WRN: variants seen among roughly 807,000 people sequenced by gnomAD.
WRN encodes bifunctional 3'-5' exonuclease/ATP-dependent helicase WRN.
A neutral mutation model predicts 180.7 loss-of-function variants in WRN; 149 were observed. That is an observed-to-expected ratio of 0.82 (90% CI 0.72 to 0.94). The LOEUF (loss-of-function observed/expected upper bound fraction) is 0.94. Among genes scored for constraint, WRN ranks in the 40% least tolerant of loss-of-function variants. WRN has a pLI of 0.00. For synonymous variants in WRN, 548 were observed against 568.9 expected (o/e 0.96, Z 0.52); for missense variants, 1,661 against 1,700.1 (o/e 0.98, Z 0.40).
chr8:31,120,483 C>T, intron 21 of WRN, 59 bp downstream of exon 21: 1 of 1,524,622 alleles, frequency 6.6e-7, no homozygotes, highest in Non-Finnish European at 8.9e-7. Flanking sequence ...CCATATAAAC[C>T]TCAAAAGTGT....
intron 11 of WRN, among the ~76,000 whole-genome samples, chr8:31,087,295 A>G (rs546935114): frequency 4.6e-5 from 7 of 152,336 alleles, no homozygotes; most frequent in Non-Finnish European, 1.0e-4. Flanking sequence ...CTTTTCTAAA[A>G]TGATTTGAAT....
intron 34 of WRN, among the ~76,000 whole-genome samples, chr8:31,170,384 ATAAAT>A (rs1438251807): frequency 7.0e-6 from 1 of 142,596 alleles, no homozygotes; most frequent in Non-Finnish European, 1.6e-5. Context: ...GAGTTTGATT[ATAAAT>A]TAAAATACAC....
intron 6 of WRN, among the ~76,000 whole-genome samples, chr8:31,067,861 C>G (rs973522051): frequency 3.9e-5 from 6 of 152,116 alleles, no homozygotes; most frequent in South Asian, 2.1e-4. Flanking sequence ...TTGTAACCAG[C>G]AAACAATTCA....
chr8:31,120,540 G>GAAA, intron 21 of WRN, 116 bp downstream of exon 21: 2 of 467,184 alleles, frequency 4.3e-6, no homozygotes, highest in Non-Finnish European at 6.2e-6. Context: ...TGCATTTAAA[G>GAAA]TAAAAAAAAA....
chr8:31,124,838 T>G (rs757263172), intron 22 of WRN, 70 bp from the exon 23 acceptor site: 44 of 1,463,590 alleles, frequency 3.0e-5, no homozygotes, highest in Non-Finnish European at 4.0e-5. Context: ...TTTACCTCAT[T>G]ATTTTCAGGA....
chr8:31,083,403 C>G (rs1352026527), intron 9 of WRN, among the ~76,000 whole-genome samples: 4 of 152,098 alleles, frequency 2.6e-5, no homozygotes, highest in African/African-American at 9.7e-5. Context: ...CATTGTTTAA[C>G]CTGAGTTGAA....
intron 34 of WRN, among the ~76,000 whole-genome samples, chr8:31,170,951 G>A (rs890128503): frequency 5.9e-5 from 9 of 152,018 alleles, no homozygotes; most frequent in Admixed American, 3.3e-4. Flanking sequence ...AATGATATTC[G>A]CTACCAATTA....
chr8:31,094,617 G>A (rs1273344009), intron 16 of WRN, among the ~76,000 whole-genome samples: 2 of 152,092 alleles, frequency 1.3e-5, no homozygotes, highest in Non-Finnish European at 2.9e-5. Context: ...AAAATGCTGG[G>A]ATTACAGGCG....
At position 31,063,786 on chromosome 8, in the gene WRN, C is replaced by T. The variant is rs147822253; in HGVS notation, c.210-503C>T. ...TTACCCAGGCTGAAGTGCAGTGATGCGATCATAGCTCACGCTAACCTCGAA... is the reference window on the plus strand; with the variant it reads ...TTACCCAGGCTGAAGTGCAGTGATGTGATCATAGCTCACGCTAACCTCGAA... On this transcript the variant is annotated intron_variant, in intron 3 of 34. Coordinates refer to ENST00000298139, the MANE Select transcript of WRN (RefSeq NM_000553.6). Among the ~76,000 whole-genome samples, 390 of 152,242 alleles carry T rather than the reference C, an allele frequency of 2.6e-3. 1 individual carries two copies. The highest frequency in any genetic ancestry group is 8.9e-3 in the African/African-American group (370 of 41,532).
chr8:31,150,438 C>G lies in WRN; in HGVS notation c.3670C>G (p.Gln1224Glu), dbSNP rs1803078013. The G allele has an allele frequency of 6.2e-7, 1 of 1,613,996 alleles. No individual in the cohort carries two copies. The highest frequency in any genetic ancestry group is 1.7e-5 in the Admixed American group (1 of 60,002). ...GTTGGAAGTCATCAAACATTTCTGC[C>G]AAACAAATAGTGTTCAGGTAAAATA... ...PLLEVIKHFC[Q>E]TNSVQTDLFS... The change falls in exon 31 of 35, where the codon CAA (glutamine) becomes GAA (glutamate). Residue 1224 changes from glutamine (Q) to glutamate (E), a missense_variant. Transcript: ENST00000298139.
intron 16 of WRN, among the ~76,000 whole-genome samples, chr8:31,093,012 A>T (rs947243743): frequency 5.3e-5 from 8 of 152,068 alleles, no homozygotes; most frequent in African/African-American, 1.9e-4. Context: ...TGGCGCAATC[A>T]TAGCTTACTG....
chr8:31,087,721 A>G (rs1379134115), intron 11 of WRN, 55 bp from the exon 12 acceptor site: 2 of 1,574,584 alleles, frequency 1.3e-6, no homozygotes, highest in East Asian at 4.5e-5. Flanking sequence ...TGTTTGGTGA[A>G]AAAGATACGA....
At chr8:31,163,951 C>G (rs532699102) in intron 33 of WRN, among the ~76,000 whole-genome samples, 2 of 151,636 alleles carry the variant, frequency 1.3e-5, no homozygotes, top group African/African-American at 4.8e-5. Flanking sequence ...CTCTTGGGCT[C>G]AAGCAAGCCT....
rs1563398128 is a variant in WRN, at chr8:31,175,726, T to C, written c.*2624T>C. Among the ~76,000 whole-genome samples the C allele has an allele frequency of 6.6e-6, 1 of 152,176 alleles. No individual in the cohort carries two copies. The highest frequency in any genetic ancestry group is 2.4e-5 in the African/African-American group (1 of 41,462). On this transcript the variant is annotated 3_prime_UTR_variant, in exon 35 of 35. Coordinates refer to ENST00000298139, the MANE Select transcript of WRN (RefSeq NM_000553.6). ...CATATACTTCAGCCAAAACAGCATA[T>C]CAAAATGGATTGAATGCAGAAGTAG...
intron 21 of WRN, among the ~76,000 whole-genome samples, chr8:31,121,763 A>G (rs900917229): frequency 2.6e-5 from 4 of 151,860 alleles, no homozygotes; most frequent in Admixed American, 1.3e-4. Flanking sequence ...AAATTTTAAG[A>G]TTTTCCTTCT....
intron 17 of WRN, among the ~76,000 whole-genome samples, chr8:31,099,863 G>A (rs1814152225): frequency 6.6e-6 from 1 of 152,016 alleles, no homozygotes; most frequent in Admixed American, 6.6e-5. Flanking sequence ...GAAAATGTTA[G>A]GTACCATTAT....
At chr8:31,081,393 G>T in intron 9 of WRN, 97 bp downstream of exon 9, 1 of 1,294,400 alleles carries the variant, frequency 7.7e-7, no homozygotes, top group Non-Finnish European at 1.1e-6. Flanking sequence ...TAGGCTTTGT[G>T]GGACATACAG....
intron 3 of WRN, among the ~76,000 whole-genome samples, chr8:31,062,790 C>T (rs565912827): frequency 6.6e-6 from 1 of 152,146 alleles, no homozygotes; most frequent in East Asian, 1.9e-4. Context: ...TCTGATTCTC[C>T]CTCTGTGCCC....
chr8:31,077,866 G>A (rs1813156660), intron 8 of WRN, among the ~76,000 whole-genome samples: 1 of 152,146 alleles, frequency 6.6e-6, no homozygotes, highest in African/African-American at 2.4e-5. Flanking sequence ...AGAGAAGTTT[G>A]GAGGTTATAG....
Sources: gnomAD v4.1 joint callset for allele counts (sites outside exome capture counted in the v4.1 genomes callset) on GRCh38, gnomAD v4.1.1 for gene constraint, MANE v1.5 for transcripts, NCBI Gene and HGNC (gene_info 2026-07-23, HGNC 2026-07-21) for gene names.